SAMD5: variants seen among roughly 807,000 people sequenced by gnomAD.
The protein encoded by SAMD5 is sterile alpha motif domain containing 5, also known as sterile alpha motif domain-containing protein 5.
SAMD5 carries 13 observed loss-of-function variants against 11.3 expected under a neutral mutation model. That is an observed-to-expected ratio of 1.15 (90% CI 0.75 to 1.83). The LOEUF (loss-of-function observed/expected upper bound fraction) is 1.83. SAMD5 is among the 40% of genes most tolerant of loss of function. The pLI, the probability that SAMD5 is intolerant of heterozygous loss-of-function variation, is 0.00. For synonymous variants in SAMD5, 129 were observed against 111.3 expected (o/e 1.16, Z -1.00); for missense variants, 255 against 239.1 (o/e 1.07, Z -0.44).
chr6:147,531,598 C>T (rs1360962815), intron 1 of SAMD5, among the ~76,000 whole-genome samples: 1 of 152,186 alleles, frequency 6.6e-6, no homozygotes, highest in Non-Finnish European at 1.5e-5. Context: ...CCCATCAGTG[C>T]AAACAAACCT....
At chr6:147,534,396 C>T (rs1788476794) in intron 1 of SAMD5, among the ~76,000 whole-genome samples, 1 of 152,168 alleles carries the variant, frequency 6.6e-6, no homozygotes, top group African/African-American at 2.4e-5. Flanking sequence ...GGGGCAAGGA[C>T]TGTAACCACC....
In SAMD5 at chr6:147,729,520, A is replaced by T. The variant is rs138228628; in HGVS notation, c.163-7797A>T. Among the ~76,000 whole-genome samples the T allele has an allele frequency of 6.7e-3, 1,014 of 152,316 alleles. 11 individuals carry two copies. The highest frequency in any genetic ancestry group is 0.023 in the African/African-American group (967 of 41,562). ...AACAGGCAAAATTTCTCTCTTTATG[A>T]ATCTCGAAATCTGGACAAGAAACAA... is the stretch of plus-strand genomic sequence containing the variant. On this transcript the variant is annotated intron_variant, in intron 1 of 1. Transcript: ENST00000566741.
intron 1 of SAMD5, among the ~76,000 whole-genome samples, chr6:147,607,325 A>G (rs1159705097): frequency 2.6e-5 from 4 of 152,214 alleles, no homozygotes; most frequent in Non-Finnish European, 5.9e-5. Flanking sequence ...CAGAAATATT[A>G]AAAAATCCTA....
chr6:147,639,083 G>A (rs553910917), intron 1 of SAMD5, among the ~76,000 whole-genome samples: 21 of 152,304 alleles, frequency 1.4e-4, no homozygotes, highest in African/African-American at 5.1e-4. Context: ...GGCGGAGTTA[G>A]TTATTTAAAC....
At chr6:147,686,473 A>C (rs574950026) in intron 1 of SAMD5, among the ~76,000 whole-genome samples, 22 of 152,286 alleles carry the variant, frequency 1.4e-4, no homozygotes, top group African/African-American at 4.3e-4. Context: ...AACAAGATGC[A>C]CTTTTCCCCA....
At chr6:147,694,444 G>A (rs1291636349) in intron 1 of SAMD5, among the ~76,000 whole-genome samples, 23 of 152,130 alleles carry the variant, frequency 1.5e-4, no homozygotes, top group Admixed American at 1.5e-3. Flanking sequence ...GGTTGGTGGT[G>A]AGTTTGCCTT....
chr6:147,605,546 C>G (rs547797284), intron 1 of SAMD5, among the ~76,000 whole-genome samples: 1 of 152,098 alleles, frequency 6.6e-6, no homozygotes, highest in African/African-American at 2.4e-5. Flanking sequence ...AAAAGAAATA[C>G]TTTTCCAGGT....
chr6:147,555,151 G>T (rs138539519), intron 1 of SAMD5, among the ~76,000 whole-genome samples: 1 of 152,284 alleles, frequency 6.6e-6, no homozygotes. Flanking sequence ...CCACCTTTGT[G>T]TACATGATTT....
the SAMD5 span, among the ~76,000 whole-genome samples, chr6:147,835,968 A>G: frequency 6.6e-6 from 1 of 152,306 alleles, no homozygotes; most frequent in East Asian, 1.9e-4. Flanking sequence ...TGCACATTCA[A>G]TTACTGTTCA....
intron 1 of SAMD5, among the ~76,000 whole-genome samples, chr6:147,526,583 G>T (rs1788344909): frequency 6.6e-6 from 1 of 152,232 alleles, no homozygotes. Context: ...TGAAGGATAG[G>T]TAGGATTTTA....
chr6:147,634,134 T>G (rs1437805907), intron 1 of SAMD5, among the ~76,000 whole-genome samples: 1 of 152,214 alleles, frequency 6.6e-6, no homozygotes, highest in Non-Finnish European at 1.5e-5. Context: ...GTTTAAGGTC[T>G]GTGTTAGTCC....
At chr6:147,870,900 AT>A in the SAMD5 span, among the ~76,000 whole-genome samples, 2 of 151,984 alleles carry the variant, frequency 1.3e-5, no homozygotes, top group African/African-American at 4.8e-5. Context: ...ATTTCTCAGA[AT>A]TTTTCCACTG....
chr6:147,694,901 A>G (rs1354448777), intron 1 of SAMD5, among the ~76,000 whole-genome samples: 1 of 152,240 alleles, frequency 6.6e-6, no homozygotes, highest in Non-Finnish European at 1.5e-5. Flanking sequence ...ATCAATAAGC[A>G]GTCAATAAAA....
At chr6:147,561,689 G>A (rs374479867) in intron 1 of SAMD5, among the ~76,000 whole-genome samples, 7 of 152,070 alleles carry the variant, frequency 4.6e-5, no homozygotes, top group Middle Eastern at 3.2e-3. Context: ...TGTGTGATAC[G>A]TATGGGGACA....
the SAMD5 span, among the ~76,000 whole-genome samples, chr6:147,884,966 C>T: frequency 6.6e-6 from 1 of 152,224 alleles, no homozygotes; most frequent in African/African-American, 2.4e-5. Flanking sequence ...GACAGTGTAG[C>T]TTCCAATGTT....
At chr6:147,856,682 C>A in the SAMD5 span, among the ~76,000 whole-genome samples, 1 of 152,124 alleles carries the variant, frequency 6.6e-6, no homozygotes, top group Non-Finnish European at 1.5e-5. Context: ...GCTCGCTGAG[C>A]CAAAGGATCC....
intron 1 of SAMD5, among the ~76,000 whole-genome samples, chr6:147,521,202 C>T (rs1348603036): frequency 1.3e-5 from 2 of 151,946 alleles, no homozygotes; most frequent in East Asian, 1.9e-4. Flanking sequence ...AATTACATTT[C>T]TTAGATTACC....
At chr6:147,928,483 A>G in the SAMD5 span, among the ~76,000 whole-genome samples, 2 of 151,964 alleles carry the variant, frequency 1.3e-5, no homozygotes, top group Non-Finnish European at 2.9e-5. Context: ...TTTGATAGTT[A>G]TTTTTATTTC....
At position 147,636,867 on chromosome 6, in the gene SAMD5, A is replaced by G. The variant is rs1039812639; in HGVS notation, c.163-100450A>G. 3.3e-5 allele frequency among the ~76,000 whole-genome samples: 5 copies of G among 152,342 alleles called. No homozygotes were observed. The East Asian group carries it at 7.7e-4, about 24-fold the overall frequency. On this transcript the variant is annotated intron_variant, in intron 1 of 1. Coordinates refer to the SAMD5 transcript ENST00000566741. ...CCTACTATTGTATTATGGTCCACAG[A>G]CTGATTTCAAATACTTTTCAGTTCA...
Sources: gnomAD v4.1 joint callset for allele counts (sites outside exome capture counted in the v4.1 genomes callset) on GRCh38, gnomAD v4.1.1 for gene constraint, MANE v1.5 for transcripts, NCBI Gene and HGNC (gene_info 2026-07-23, HGNC 2026-07-21) for gene names.